The following SLC10A1 variants were observed in gnomAD, a reference collection of about 807,000 sequenced individuals.
SLC10A1 encodes the protein solute carrier family 10 member 1.
In SLC10A1, 36 loss-of-function variants were observed where a neutral mutation model predicts 20.5. That is an observed-to-expected ratio of 1.75 (90% CI 1.34 to 2.32). SLC10A1 has a LOEUF of 2.32. SLC10A1 is among the 30% of genes most tolerant of loss of function. The pLI is 0.00. For missense variants in SLC10A1, 545 were observed against 439.1 expected (o/e 1.24, Z -2.16); for synonymous variants, 188 against 163.6 (o/e 1.15, Z -1.14).
intron 2 of SLC10A1, among the ~76,000 whole-genome samples, chr14:69,784,709 G>A (rs1033504149): frequency 6.6e-6 from 1 of 152,158 alleles, no homozygotes; most frequent in African/African-American, 2.4e-5. Context: ...CCAATACAGA[G>A]ATATTTTAGA....
At chr14:69,785,591 C>CTTTTTTTTTTT (rs541758842) in intron 2 of SLC10A1, among the ~76,000 whole-genome samples, 3 of 130,520 alleles carry the variant, frequency 2.3e-5, no homozygotes, top group Non-Finnish European at 3.3e-5. Flanking sequence ...TCTTTCTTTT[C>CTTTTTTTTTTT]TTTTTTTTTT....
At position 69,776,147 on chromosome 14, in the gene SLC10A1, G is replaced by T; in HGVS notation, c.*135C>A. 1.5e-6 allele frequency: 1 copy of T among 677,278 alleles called. No individual in the cohort carries two copies. The highest frequency in any genetic ancestry group is 1.8e-5 in the South Asian group (1 of 54,394). The allele number at this position is 677,278 out of a possible 1,614,324, so 42.0% of individuals were successfully genotyped here. Reference sequence around the variant, plus strand: ...CTGTCTGTGTTCCCGGCCAAGACTTGATGATTCTGATAGATGTACTGGAAA... The same window carrying T: ...CTGTCTGTGTTCCCGGCCAAGACTTTATGATTCTGATAGATGTACTGGAAA... On this transcript the variant is annotated 3_prime_UTR_variant, in exon 5 of 5. Coordinates refer to ENST00000216540, the MANE Select transcript of SLC10A1 (RefSeq NM_003049.4).
intron 2 of SLC10A1, among the ~76,000 whole-genome samples, chr14:69,779,819 C>T (rs1000661540): frequency 5.8e-4 from 83 of 142,362 alleles, no homozygotes; most frequent in African/African-American, 2.3e-3. Flanking sequence ...ATTCAGGACT[C>T]CTGCAAAATG....
rs1883533101 is a variant in SLC10A1 at position 69,779,332 on chromosome 14, C to A, written c.596G>T (p.Ser199Ile). ...KGGMIIILLC[S>I]VAVTVLSAIN... ...GGCAGAGAGAACTGTGACGGCCACA[C>A]TGCACAAGAGAATGATGATCATCCC... is the stretch of plus-strand genomic sequence containing the variant. The change falls in exon 3 of 5, where the codon AGT becomes ATT. Residue 199 changes from serine to isoleucine, a missense_variant. Physicochemically the swap from Ser to Ile is moderately radical, Grantham distance 142 (BLOSUM62 -2). Coordinates refer to ENST00000216540, the MANE Select transcript of SLC10A1 (RefSeq NM_003049.4). 6.2e-7 allele frequency: 1 copy of A among 1,613,622 alleles called. No homozygotes were observed.
chr14:69,777,103 C>T (rs910820334), intron 4 of SLC10A1, among the ~76,000 whole-genome samples: 6 of 152,200 alleles, frequency 3.9e-5, no homozygotes, highest in Non-Finnish European at 8.8e-5. Flanking sequence ...CACTTCAGGT[C>T]TTTCTGGTAC....
intron 2 of SLC10A1, among the ~76,000 whole-genome samples, chr14:69,783,822 C>T (rs1478220732): frequency 6.6e-6 from 1 of 152,002 alleles, no homozygotes; most frequent in Non-Finnish European, 1.5e-5. Context: ...AAGGTGGAAT[C>T]GACAGTCATT....
In SLC10A1 at chr14:69,775,976, T is replaced by C. The variant is rs1177336150; in HGVS notation, c.*306A>G. On this transcript the variant is annotated 3_prime_UTR_variant, in exon 5 of 5. Transcript: ENST00000216540. ...GATTAGTTCAGGAATTGAGTGACTT[T>C]AAGATGCTTATCAGACACTTTTAGA... The C allele has an allele frequency of 1.5e-5, 5 of 327,306 alleles. No individual in the cohort carries two copies. The highest frequency in any genetic ancestry group is 1.1e-4 in the African/African-American group (5 of 46,596). The allele number at this position is 327,306 out of a possible 1,614,324, so 20.3% of individuals were successfully genotyped here.
intron 4 of SLC10A1, among the ~76,000 whole-genome samples, chr14:69,777,348 G>A (rs978089660): frequency 6.6e-6 from 1 of 152,138 alleles, no homozygotes; most frequent in Non-Finnish European, 1.5e-5. Flanking sequence ...TGCAAAGGGA[G>A]AGAGAATCGG....
At chr14:69,783,422 TAGG>T (rs969937401) in intron 2 of SLC10A1, among the ~76,000 whole-genome samples, 39 of 152,118 alleles carry the variant, frequency 2.6e-4, no homozygotes, top group African/African-American at 9.2e-4. Flanking sequence ...TACTCAGGCT[TAGG>T]AGGTTAAGGA....
chr14:69,797,004 A>C lies in SLC10A1; in HGVS notation c.152T>G (p.Ile51Ser), dbSNP rs760079725. Residue 51 changes from isoleucine (I) to serine (S), a missense_variant, in exon 1 of 5, where the codon ATC (isoleucine) becomes AGC (serine). By Grantham distance (142) the Ile-to-Ser change is moderately radical. Coordinates refer to ENST00000216540, the MANE Select transcript of SLC10A1 (RefSeq NM_003049.4). ...SLGCTMEFSK[I>S]KAHLWKPKGL... ...TTTAGGCTTCCATAAGTGAGCCTTG[A>C]TCTTGCTGAACTCCATGGTGCAGCC... The C allele has an allele frequency of 2.5e-6, 4 of 1,614,116 alleles. No individual in the cohort carries two copies. The South Asian group carries it at 4.4e-5, about 18-fold the overall frequency.
At chr14:69,778,691 T>G (rs904729305) in intron 3 of SLC10A1, among the ~76,000 whole-genome samples, 162 bp from the exon 4 acceptor site, 1 of 152,184 alleles carries the variant, frequency 6.6e-6, no homozygotes. Context: ...GGTGTCTGGA[T>G]TTTTAACCCG....
rs61745930 is a variant in SLC10A1 at position 69,779,260 on chromosome 14, A to G, written c.668T>C (p.Ile223Thr). The G allele has an allele frequency of 2.1e-3, 3,375 of 1,613,984 alleles. 70 individuals are homozygous for G. The African/African-American group carries it at 0.041, about 20-fold the overall frequency. ...SIMFAMTPLL[I>T]ATSSLMPFIG... ...AAAAGGCATCAGGGAGGAGGTGGCA[A>G]TCAAGAGTGGTGTCATGGCAAACAT... The change falls in exon 3 of 5, where the codon ATT becomes ACT. Residue 223 changes from isoleucine (I) to threonine (T), a missense_variant. By Grantham distance (89) the Ile-to-Thr change is moderately conservative. Coordinates refer to ENST00000216540, the MANE Select transcript of SLC10A1 (RefSeq NM_003049.4).
intron 4 of SLC10A1, among the ~76,000 whole-genome samples, chr14:69,777,439 G>C (rs1258074571): frequency 6.6e-6 from 1 of 152,142 alleles, no homozygotes; most frequent in Non-Finnish European, 1.5e-5. Flanking sequence ...ACAGTCCCTA[G>C]GGTCTAGAAA....
intron 1 of SLC10A1, among the ~76,000 whole-genome samples, chr14:69,787,605 G>A (rs1883752313): frequency 6.6e-6 from 1 of 152,210 alleles, no homozygotes; most frequent in South Asian, 2.1e-4. Flanking sequence ...AAGAACAATA[G>A]GTAGGCATGT....
intron 2 of SLC10A1, among the ~76,000 whole-genome samples, chr14:69,783,503 A>T (rs1379007677): frequency 1.3e-5 from 2 of 152,144 alleles, no homozygotes; most frequent in African/African-American, 4.8e-5. Flanking sequence ...CCAGTGAAAG[A>T]TGGTGAGTGG....
chr14:69,789,062 TAAC>T lies in SLC10A1; in HGVS notation c.357-2758_357-2756del, dbSNP rs556210255. Among the ~76,000 whole-genome samples, 154 of 152,244 alleles carry T rather than the reference TAAC, an allele frequency of 1.0e-3. 3 individuals carry two copies. Among genetic ancestry groups the T allele is most frequent in the African/African-American group, 3.3e-3 (136 of 41,534 alleles). On this transcript the variant is annotated intron_variant, in intron 1 of 4. Coordinates refer to ENST00000216540, the MANE Select transcript of SLC10A1 (RefSeq NM_003049.4). ...TGGCTATAATTAAAAAGCTGGACAA[TAAC>T]AAGTGTTGGAGGGTATATGGAAAAT...
At position 69,778,520 on chromosome 14, in the gene SLC10A1, G is replaced by T; in HGVS notation, c.756C>A (p.Arg252=). The T allele has an allele frequency of 6.2e-7, 1 of 1,606,578 alleles. No individual in the cohort carries two copies. The highest frequency in any genetic ancestry group is 8.5e-7 in the Non-Finnish European group (1 of 1,176,910). ...GGCATCCAGTCTCCATGCTGACAGT[G>T]CGTCTGCACCTGTGCCGGTGAAGAA... ...ALFCLNGRCR[R]TVSMETGCQN... Residue 252 remains arginine (R), a synonymous_variant, in exon 4 of 5, where the codon CGC becomes CGA. Coordinates refer to ENST00000216540, the MANE Select transcript of SLC10A1 (RefSeq NM_003049.4).
chr14:69,778,265 T>G (rs1034043482), intron 4 of SLC10A1, 68 bp downstream of exon 4: 243 of 1,365,986 alleles, frequency 1.8e-4, no homozygotes, highest in Middle Eastern at 1.9e-4. Context: ...TGCTAGAAAC[T>G]TGCTTGTTGG....
intron 4 of SLC10A1, among the ~76,000 whole-genome samples, chr14:69,777,642 C>G (rs1181848869): frequency 1.2e-5 from 1 of 85,334 alleles, no homozygotes; most frequent in Non-Finnish European, 2.5e-5. Context: ...GGAAGGCACT[C>G]TGTTCTCTGG....
Sources: gnomAD v4.1 joint callset for allele counts (sites outside exome capture counted in the v4.1 genomes callset) on GRCh38, gnomAD v4.1.1 for gene constraint, MANE v1.5 for transcripts, NCBI Gene and HGNC (gene_info 2026-07-23, HGNC 2026-07-21) for gene names.